The following GPC5 variants were observed in gnomAD, a reference collection of about 807,000 sequenced individuals.
GPC5 encodes the protein glypican-5.
GPC5 carries 47 observed loss-of-function variants against 53.9 expected under a neutral mutation model. The observed-to-expected ratio is 0.87, with a 90% CI of 0.69 to 1.11. The LOEUF is 1.11. GPC5 is among the 50% of genes most tolerant of loss of function. GPC5 has a pLI of 0.00. For synonymous variants in GPC5, 286 were observed against 263.3 expected, an observed-to-expected ratio of 1.09 and a Z score of -0.84; for missense variants, 748 against 713.1, an observed-to-expected ratio of 1.05 and a Z score of -0.56.
chr13:92,507,699 C>G (rs1880422490), intron 7 of GPC5, among the ~76,000 whole-genome samples: 1 of 152,046 alleles, frequency 6.6e-6, no homozygotes, highest in South Asian at 2.1e-4. Flanking sequence ...ATAACTGGTA[C>G]ATTATTTTGA....
intron 7 of GPC5, among the ~76,000 whole-genome samples, chr13:92,446,154 CT>C (rs1162590956): frequency 6.6e-6 from 1 of 151,740 alleles, no homozygotes; most frequent in East Asian, 1.9e-4. Context: ...ACTATAGTCA[CT>C]TTGTGCTATA....
chr13:92,125,695 G>T (rs2041688773), intron 6 of GPC5, among the ~76,000 whole-genome samples: 2 of 152,086 alleles, frequency 1.3e-5, no homozygotes, highest in South Asian at 4.1e-4. Context: ...ATTACTTTCT[G>T]AGCATCTGTG....
At chr13:92,059,903 C>CT (rs2041108039) in intron 6 of GPC5, 2 of 151,740 alleles carry the variant, frequency 1.3e-5, no homozygotes, top group South Asian at 4.1e-4. Flanking sequence ...GGCTGTACTG[C>CT]TAATGCCTAC....
chr13:92,173,222 A>T (rs1451167542), intron 7 of GPC5, among the ~76,000 whole-genome samples: 3 of 152,140 alleles, frequency 2.0e-5, no homozygotes, highest in Admixed American at 1.3e-4. Flanking sequence ...TACCCACATT[A>T]AAAACAGAGA....
chr13:92,042,357 C>T (rs2040948528), intron 6 of GPC5, among the ~76,000 whole-genome samples: 1 of 152,074 alleles, frequency 6.6e-6, no homozygotes, highest in Admixed American at 6.6e-5. Flanking sequence ...CCAGGGCCTC[C>T]AAGACATACA....
chr13:91,530,772 C>T (rs1040077074), intron 2 of GPC5, among the ~76,000 whole-genome samples: 3 of 152,104 alleles, frequency 2.0e-5, no homozygotes, highest in East Asian at 1.9e-4. Flanking sequence ...GATTGCTTTT[C>T]TTAAGTAAAA....
At position 91,545,526 on chromosome 13, in the gene GPC5, A is replaced by G. The variant is rs9589286; in HGVS notation, c.325+96604A>G. On this transcript the variant is annotated intron_variant, in intron 2 of 7. Coordinates refer to ENST00000377067, the MANE Select transcript of GPC5 (RefSeq NM_004466.6). ...ATTTTCATAAATTTTTTTCATTACT[A>G]TTATAAAAAATTATTGTGGTGAGAA... Among the ~76,000 whole-genome samples the G allele has an allele frequency of 8.6e-3, 1,314 of 152,272 alleles. 17 individuals carry two copies. The highest frequency in any genetic ancestry group is 0.031 in the African/African-American group (1,274 of 41,570).
intron 6 of GPC5, among the ~76,000 whole-genome samples, chr13:92,029,857 C>T (rs1012177554): frequency 6.6e-6 from 1 of 152,142 alleles, no homozygotes; most frequent in Admixed American, 6.5e-5. Flanking sequence ...ATGCCAGTCT[C>T]CTTCACATTA....
intron 7 of GPC5, among the ~76,000 whole-genome samples, chr13:92,650,145 C>A (rs1485640053): frequency 6.6e-6 from 1 of 151,978 alleles, no homozygotes; most frequent in Admixed American, 6.6e-5. Flanking sequence ...ACTGAGTATA[C>A]AATATACCTA....
At chr13:91,946,001 TCCA>T (rs2039971294) in intron 6 of GPC5, among the ~76,000 whole-genome samples, 1 of 152,186 alleles carries the variant, frequency 6.6e-6, no homozygotes, top group Non-Finnish European at 1.5e-5. Context: ...TTAACTCTGG[TCCA>T]GCATTTCTGA....
intron 7 of GPC5, among the ~76,000 whole-genome samples, chr13:92,483,102 C>T (rs746272010): frequency 2.0e-5 from 3 of 152,260 alleles, no homozygotes; most frequent in East Asian, 1.9e-4. Flanking sequence ...TGGAGGAAAC[C>T]GTCCCCATGA....
chr13:92,654,927 A>C (rs1481517047), intron 7 of GPC5, among the ~76,000 whole-genome samples: 1 of 152,166 alleles, frequency 6.6e-6, no homozygotes, highest in Non-Finnish European at 1.5e-5. Context: ...TTATAAGAAG[A>C]GGGAAATTTG....
rs2040109920 is a variant in GPC5 at position 91,959,791 on chromosome 13, G to C, written c.1401+51734G>C. On this transcript the variant is annotated intron_variant, in intron 6 of 7. Transcript: ENST00000377067. ...GAGTGGGATTTTCCCAGGGATGCAA[G>C]GATGGTTCAACACTTGCAAACCAGC... Among the ~76,000 whole-genome samples, 7 of 152,014 alleles carry C rather than the reference G, an allele frequency of 4.6e-5. No individual in the cohort carries two copies. In the South Asian group the frequency reaches 1.4e-3, roughly 31 times the overall value.
At chr13:92,861,036 A>T (rs1471436594) in intron 7 of GPC5, among the ~76,000 whole-genome samples, 1 of 152,086 alleles carries the variant, frequency 6.6e-6, no homozygotes, top group Non-Finnish European at 1.5e-5. Context: ...TTAAAAGAAC[A>T]TTAAAGAGCA....
chr13:92,691,040 C>G (rs1324678231), intron 7 of GPC5, among the ~76,000 whole-genome samples: 19 of 79,196 alleles, frequency 2.4e-4, no homozygotes, highest in African/African-American at 9.3e-4. Context: ...GCCCTGCCCC[C>G]AGAGGTGGAG....
intron 7 of GPC5, among the ~76,000 whole-genome samples, chr13:92,732,465 T>C (rs1888834088): frequency 6.6e-6 from 1 of 151,294 alleles, no homozygotes; most frequent in South Asian, 2.1e-4. Context: ...TTGTATCCAA[T>C]ATGTTTAATT....
At chr13:91,839,807 T>C (rs1446625284) in intron 5 of GPC5, among the ~76,000 whole-genome samples, 3 of 152,148 alleles carry the variant, frequency 2.0e-5, no homozygotes, top group Admixed American at 6.5e-5. Flanking sequence ...CTAATAATTT[T>C]TTTTCAAATT....
intron 7 of GPC5, among the ~76,000 whole-genome samples, chr13:92,296,055 G>A (rs889341148): frequency 2.6e-5 from 4 of 152,012 alleles, no homozygotes; most frequent in African/African-American, 7.2e-5. Context: ...TGTTTTATAT[G>A]TCCTGTGAGA....
At chr13:91,774,223 C>T (rs1188246376) in intron 5 of GPC5, among the ~76,000 whole-genome samples, 1 of 152,184 alleles carries the variant, frequency 6.6e-6, no homozygotes, top group African/African-American at 2.4e-5. Flanking sequence ...AATATCAAGA[C>T]TCTGTCTCTT....
Sources: gnomAD v4.1 joint callset for allele counts (sites outside exome capture counted in the v4.1 genomes callset) on GRCh38, gnomAD v4.1.1 for gene constraint, MANE v1.5 for transcripts, NCBI Gene and HGNC (gene_info 2026-07-23, HGNC 2026-07-21) for gene names.